The following SACS variants were observed in gnomAD, a reference collection of about 807,000 sequenced individuals.
SACS encodes the protein sacsin.
A neutral mutation model predicts 348.0 loss-of-function variants in SACS; 197 were observed. The ratio of observed to expected loss-of-function variants is 0.57; its 90% CI spans 0.50 to 0.64. The LOEUF is 0.64. Ranked by LOEUF, SACS falls within the 30% of genes least tolerant of loss-of-function variation. The pLI, the probability that SACS is intolerant of heterozygous loss-of-function variation, is 0.00. For synonymous variants in SACS, 1,985 were observed against 1,910.6 expected, an observed-to-expected ratio of 1.04 and a Z score of -1.02; for missense variants, 4,999 against 5,360.8, an observed-to-expected ratio of 0.93 and a Z score of 2.11.
chr13:23,337,125 G>C lies in SACS; in HGVS notation c.6751C>G (p.Gln2251Glu), dbSNP rs747293426. 3 of 1,613,960 alleles carry C rather than the reference G, an allele frequency of 1.9e-6. No individual in the cohort carries two copies. Among genetic ancestry groups the C allele is most frequent in the Non-Finnish European group, 2.5e-6 (3 of 1,179,898 alleles). Residue 2251 changes from glutamine (Q) to glutamate (E), a missense_variant, in exon 10 of 10, where the codon CAA becomes GAA. Coordinates refer to ENST00000382292, the MANE Select transcript of SACS (RefSeq NM_014363.6). ...AATDLYTAEHQDIVCLLQPIL... is the reference protein window; with the variant it reads ...AATDLYTAEHEDIVCLLQPIL... ...GGTTGCAAAAGACAAACTATATCTT[G>C]ATGTTCAGCTGTATAAAGGTCAGTT...
Position 23,361,490 on chromosome 13 carries a change from A to T in SACS, c.458-3009T>A, listed in dbSNP as rs142884000. 4.1e-3 allele frequency among the ~76,000 whole-genome samples: 628 copies of T among 152,280 alleles called. 4 individuals carry two copies. Among genetic ancestry groups the T allele is most frequent in the Middle Eastern group, 0.041 (12 of 294 alleles). ...AAAGTAAGATAAGAAAGGAACAAACATCCTGGCCAGACATGGTGGCTCACG... is the reference window on the plus strand; with the variant it reads ...AAAGTAAGATAAGAAAGGAACAAACTTCCTGGCCAGACATGGTGGCTCACG... On this transcript the variant is annotated intron_variant, in intron 6 of 9. Transcript: ENST00000382292.
rs771915442 is a variant in SACS at position 23,340,533 on chromosome 13, C to T, written c.3343G>A (p.Val1115Ile). The change falls in exon 10 of 10, where the codon GTC (valine) becomes ATC (isoleucine). Residue 1115 changes from valine to isoleucine, a missense_variant. By Grantham distance (29) the Val-to-Ile change is conservative. This residue lies in a region of SACS where 3,156 missense variants were observed against 3,380.1 expected (regional missense o/e 0.93). Transcript: ENST00000382292. Reference protein sequence around the residue: ...QVAKKIEALQVGACPDQDVLL... With the variant: ...QVAKKIEALQIGACPDQDVLL... ...ACATCTTGATCAGGACAAGCACCGA[C>T]CTGTAAGGCTTCAATTTTTTTTGCC... 1.2e-6 allele frequency: 2 copies of T among 1,611,912 alleles called. No homozygotes were observed. The highest frequency in any genetic ancestry group is 3.4e-5 in the Admixed American group (2 of 59,548).
intron 7 of SACS, among the ~76,000 whole-genome samples, chr13:23,357,565 T>G (rs192210367): frequency 8.5e-5 from 13 of 152,332 alleles, no homozygotes; most frequent in African/African-American, 2.9e-4. Flanking sequence ...TATACAGTCA[T>G]CTTGGCTACA....
At chr13:23,408,832 G>A (rs936105891) in intron 2 of SACS, among the ~76,000 whole-genome samples, 2 of 151,354 alleles carry the variant, frequency 1.3e-5, no homozygotes, top group Admixed American at 6.6e-5. Flanking sequence ...GGGCGTGGTG[G>A]TGGGCACCTG....
Position 23,371,163 on chromosome 13 carries a change from T to C in SACS, c.174A>G (p.Leu58=). ...GATCTCCAATCTTGATCCAGTCAGA[T>C]AACTGAAAAAAAGCAAAAGAAAATG... The part of the protein sequence containing the change: ...EQRLWRGGRE[L]SDWIKIGDLT... Residue 58 remains leucine (L), a splice_region_variant and synonymous_variant, in exon 4 of 10, where the codon TTA becomes TTG. Transcript: ENST00000382292. 6.2e-7 allele frequency: 1 copy of C among 1,604,642 alleles called. No individual in the cohort carries two copies. The highest frequency in any genetic ancestry group is 8.5e-7 in the Non-Finnish European group (1 of 1,172,960).
intron 6 of SACS, among the ~76,000 whole-genome samples, chr13:23,364,446 A>G (rs1163308668): frequency 1.3e-5 from 2 of 152,150 alleles, no homozygotes; most frequent in African/African-American, 4.8e-5. Context: ...ACGCCCAGCT[A>G]ATTTTTATAT....
At chr13:23,378,893 C>A (rs990612627) in intron 2 of SACS, among the ~76,000 whole-genome samples, 4 of 152,144 alleles carry the variant, frequency 2.6e-5, no homozygotes, top group African/African-American at 9.7e-5. Context: ...ACTTGTGAAA[C>A]ACTCCATCAT....
intron 9 of SACS, among the ~76,000 whole-genome samples, chr13:23,351,985 T>C (rs1869987798): frequency 6.6e-6 from 1 of 152,204 alleles, no homozygotes; most frequent in Admixed American, 6.5e-5. Flanking sequence ...CTATATTAAT[T>C]TATACATTTA....
intron 3 of SACS, among the ~76,000 whole-genome samples, chr13:23,372,134 T>C (rs1422277940): frequency 6.6e-6 from 1 of 152,358 alleles, no homozygotes; most frequent in South Asian, 2.1e-4. Flanking sequence ...CCGAAGTACC[T>C]GTGCAAAGAG....
At position 23,329,479 on chromosome 13, in the gene SACS, G is replaced by T. The variant is rs758787027; in HGVS notation, c.*657C>A. 3 of 766,816 alleles carry T rather than the reference G, an allele frequency of 3.9e-6. No homozygotes were observed. The highest frequency in any genetic ancestry group is 7.3e-6 in the Non-Finnish European group (3 of 413,568). 47.5% of individuals were successfully genotyped at this position (766,816 alleles called of 1,614,324 possible). A position where few individuals can be genotyped will look rare whatever the true frequency, so the allele number is the denominator to read the frequency against. The stretch of plus-strand genomic sequence containing the variant: ...TTTCCGTTGCTATCTTCATCAAACA[G>T]GAAGCCTGTAAACATAAGATGTTAA... On this transcript the variant is annotated 3_prime_UTR_variant, in exon 10 of 10. Transcript: ENST00000382292.
chr13:23,427,929 G>A (rs1173303921), intron 1 of SACS: 1 of 152,220 alleles, frequency 6.6e-6, no homozygotes, highest in Non-Finnish European at 1.5e-5. Flanking sequence ...ATGCTGTCTT[G>A]TCTGTTTGTT....
At chr13:23,347,871 A>T (rs1352644310) in intron 9 of SACS, among the ~76,000 whole-genome samples, 1 of 152,158 alleles carries the variant, frequency 6.6e-6, no homozygotes, top group East Asian at 1.9e-4. Context: ...TAAGGGAAGG[A>T]GATTAAAAAT....
intron 1 of SACS, among the ~76,000 whole-genome samples, chr13:23,413,569 G>C (rs1041115872): frequency 6.6e-6 from 1 of 151,860 alleles, no homozygotes; most frequent in Non-Finnish European, 1.5e-5. Context: ...TTCATTGTGG[G>C]GAAAAAAAGG....
At position 23,334,095 on chromosome 13, in the gene SACS, G is replaced by T. The variant is rs868799299; in HGVS notation, c.9781C>A (p.Gln3261Lys). 1 of 1,613,532 alleles carries T rather than the reference G, an allele frequency of 6.2e-7. No individual in the cohort carries two copies. Among genetic ancestry groups the T allele is most frequent in the Non-Finnish European group, 8.5e-7 (1 of 1,179,704 alleles). The change falls in exon 10 of 10, where the codon CAG becomes AAG. Residue 3261 changes from glutamine (Q) to lysine (K), a missense_variant. This residue lies in a region of SACS where 734 missense variants were observed against 694.0 expected (regional missense o/e 1.06). Coordinates refer to ENST00000382292, the MANE Select transcript of SACS (RefSeq NM_014363.6). ...TCAAATGTTGGTTTTGTTTCTTCCT[G>T]ATCTTCTTTCACACTTACAGATTCA... Reference protein sequence around the residue: ...ISESVSVKEDQEETKPTFDIV... With the variant: ...ISESVSVKEDKEETKPTFDIV...
intron 4 of SACS, among the ~76,000 whole-genome samples, chr13:23,370,833 G>A (rs1435731485): frequency 6.6e-6 from 1 of 152,128 alleles, no homozygotes; most frequent in Non-Finnish European, 1.5e-5. Context: ...CGTGATGGCA[G>A]GCACCTGTTT....
chr13:23,333,685 A>T lies in SACS; in HGVS notation c.10191T>A (p.His3397Gln). The T allele has an allele frequency of 6.2e-7, 1 of 1,613,798 alleles. No individual in the cohort carries two copies. The highest frequency in any genetic ancestry group is 8.5e-7 in the Non-Finnish European group (1 of 1,179,756). Residue 3397 changes from histidine (H) to glutamine (Q), a missense_variant, in exon 10 of 10, where the codon CAT (histidine) becomes CAA (glutamine). By Grantham distance (24) the His-to-Gln change is conservative. This residue lies in a region of SACS where 734 missense variants were observed against 694.0 expected (regional missense o/e 1.06). Coordinates refer to ENST00000382292, the MANE Select transcript of SACS (RefSeq NM_014363.6). ...TTTTTATATCATCTTGGGACATCAA[A>T]TGATTCAAATTGCAGTTGAAATACA... Reference protein sequence around the residue: ...LLMYFNCNLNHLMSQDDIKIL... With the variant: ...LLMYFNCNLNQLMSQDDIKIL...
At chr13:23,377,770 C>T (rs879846663) in intron 2 of SACS, among the ~76,000 whole-genome samples, 9 of 152,200 alleles carry the variant, frequency 5.9e-5, no homozygotes, top group Admixed American at 5.2e-4. Flanking sequence ...TCCCGTCCAA[C>T]GCCTGGCCCA....
At position 23,355,202 on chromosome 13, in the gene SACS, A is replaced by T; in HGVS notation, c.1410T>A (p.Leu470=). The T allele has an allele frequency of 6.2e-7, 1 of 1,614,182 alleles. No homozygotes were observed. Among genetic ancestry groups the T allele is most frequent in the Non-Finnish European group, 8.5e-7 (1 of 1,180,020 alleles). The change falls in exon 8 of 10, where the codon CTT becomes CTA. Residue 470 remains leucine (L), a synonymous_variant. Coordinates refer to ENST00000382292, the MANE Select transcript of SACS (RefSeq NM_014363.6). ...LPVHISGFFG[L]TDNRRSIKWR... is the part of the protein sequence containing the mutation. ...ATTTTATGCTCCTGCGGTTATCAGT[A>T]AGGCCAAAGAACCCACTGATGTGAA...
chr13:23,401,611 A>T (rs1306544034), intron 2 of SACS, among the ~76,000 whole-genome samples: 1 of 152,230 alleles, frequency 6.6e-6, no homozygotes, highest in Middle Eastern at 3.2e-3. Context: ...GACCTGTCTC[A>T]AATTTTGGAG....
Sources: gnomAD v4.1 joint callset for allele counts (sites outside exome capture counted in the v4.1 genomes callset) on GRCh38, gnomAD v4.1.1 for gene constraint, gnomAD v4.1.1 regional missense constraint, MANE v1.5 for transcripts, NCBI Gene and HGNC (gene_info 2026-07-23, HGNC 2026-07-21) for gene names.